SH3RF1: variants seen among roughly 807,000 people sequenced by gnomAD.
SH3RF1 encodes the protein E3 ubiquitin-protein ligase SH3RF1.
A neutral mutation model predicts 74.0 loss-of-function variants in SH3RF1; 32 were observed. The ratio of observed to expected loss-of-function variants is 0.43; its 90% CI spans 0.33 to 0.58. SH3RF1 has a LOEUF of 0.58. SH3RF1 is among the 20% of genes least tolerant of loss of function. SH3RF1 has a pLI of 0.05. For synonymous variants in SH3RF1, 396 were observed against 439.6 expected (o/e 0.90, Z 1.24); for missense variants, 954 against 1,130.9 (o/e 0.84, Z 2.24).
chr4:169,178,741 T>C (rs1401257554), intron 2 of SH3RF1, among the ~76,000 whole-genome samples: 1 of 152,148 alleles, frequency 6.6e-6, no homozygotes. Flanking sequence ...TGCAATAAAT[T>C]TGTGTTTCTT....
intron 2 of SH3RF1, among the ~76,000 whole-genome samples, chr4:169,217,754 T>C (rs1730490574): frequency 6.6e-6 from 1 of 152,172 alleles, no homozygotes; most frequent in South Asian, 2.1e-4. Context: ...AAAAAAACTC[T>C]ATAGATGGAT....
intron 2 of SH3RF1, among the ~76,000 whole-genome samples, chr4:169,192,657 A>C (rs556333792): frequency 3.9e-5 from 6 of 152,190 alleles, no homozygotes; most frequent in Admixed American, 3.3e-4. Flanking sequence ...AAGGAAAAGA[A>C]GTCATTATAT....
At chr4:169,134,475 G>A (rs745938349) in intron 5 of SH3RF1, among the ~76,000 whole-genome samples, 7 of 152,134 alleles carry the variant, frequency 4.6e-5, no homozygotes, top group Non-Finnish European at 1.0e-4. Context: ...TTCCCATTCT[G>A]AGCTGTCACT....
chr4:169,129,911 T>C (rs1733584423), intron 6 of SH3RF1, 135 bp downstream of exon 6: 1 of 702,616 alleles, frequency 1.4e-6, no homozygotes, highest in Admixed American at 3.2e-5. Context: ...TTAACAGAGA[T>C]AATAGATGAA....
chr4:169,265,406 A>G (rs1319754431), intron 2 of SH3RF1, among the ~76,000 whole-genome samples: 4 of 152,260 alleles, frequency 2.6e-5, no homozygotes, highest in Non-Finnish European at 5.9e-5. Context: ...ATCATTAAGT[A>G]ATAATATCTA....
intron 10 of SH3RF1, 28 bp from the exon 11 acceptor site, chr4:169,107,233 T>A (rs375028214): frequency 2.6e-6 from 4 of 1,513,286 alleles, no homozygotes; most frequent in Non-Finnish European, 8.9e-7. Flanking sequence ...TGAGCCTTAG[T>A]TGGAGAATGA....
rs1320886571 is a variant in SH3RF1 at position 169,248,418 on chromosome 4, A to G, written c.393+20402T>C. Among the ~76,000 whole-genome samples, 3 of 152,164 alleles carry G rather than the reference A, an allele frequency of 2.0e-5. No individual in the cohort carries two copies. In the South Asian group the frequency reaches 6.2e-4, roughly 32 times the overall value. On this transcript the variant is annotated intron_variant, in intron 2 of 11. Coordinates refer to ENST00000284637, the MANE Select transcript of SH3RF1 (RefSeq NM_020870.4). ...AACCAAACACTGCATGTTCTCACTC[A>G]TAAGTGGGAGTCGAATAATGAAAAC...
chr4:169,102,336 A>T (rs1268947362), intron 11 of SH3RF1, among the ~76,000 whole-genome samples: 4 of 151,808 alleles, frequency 2.6e-5, no homozygotes, highest in African/African-American at 9.7e-5. Flanking sequence ...ATCTATCTCT[A>T]TCCAATTTGT....
intron 2 of SH3RF1, among the ~76,000 whole-genome samples, chr4:169,225,293 C>T (rs1353261600): frequency 1.3e-5 from 2 of 152,118 alleles, no homozygotes; most frequent in African/African-American, 4.8e-5. Flanking sequence ...GCCAACTTCA[C>T]AGGTAGGAAA....
intron 1 of SH3RF1, 65 bp downstream of exon 1, chr4:169,270,794 T>A (rs11942200): frequency 6.6e-6 from 1 of 152,086 alleles, no homozygotes; most frequent in Non-Finnish European, 1.5e-5. Context: ...ACCACCGCCT[T>A]CTCCGCGGCT....
At chr4:169,115,368 T>C (rs1330382296) in intron 10 of SH3RF1, among the ~76,000 whole-genome samples, 1 of 152,142 alleles carries the variant, frequency 6.6e-6, no homozygotes, top group African/African-American at 2.4e-5. Context: ...CCGCTCCCCA[T>C]CACTTGCATT....
chr4:169,124,043 A>G (rs930569039), intron 6 of SH3RF1, among the ~76,000 whole-genome samples: 2 of 152,186 alleles, frequency 1.3e-5, no homozygotes, highest in Non-Finnish European at 2.9e-5. Flanking sequence ...GTCACAGCAA[A>G]TGTGACCTGG....
rs558772435 is a variant in SH3RF1, at chr4:169,224,696, T to A, written c.393+44124A>T. 3.9e-5 allele frequency among the ~76,000 whole-genome samples: 6 copies of A among 152,290 alleles called. No homozygotes were observed. The East Asian group carries it at 1.2e-3, about 29-fold the overall frequency. On this transcript the variant is annotated intron_variant, in intron 2 of 11. Coordinates refer to ENST00000284637, the MANE Select transcript of SH3RF1 (RefSeq NM_020870.4). ...CAGGGGATAACAGTAGCTGCAGGGG[T>A]AACCAGGAACAAGACTACTGCAGTA...
intron 2 of SH3RF1, among the ~76,000 whole-genome samples, chr4:169,243,586 T>C (rs1730948770): frequency 6.6e-6 from 1 of 152,226 alleles, no homozygotes; most frequent in African/African-American, 2.4e-5. Flanking sequence ...GCTAGGCTAA[T>C]TCCCTCAGTT....
chr4:169,110,893 G>A (rs1332276298), intron 10 of SH3RF1, among the ~76,000 whole-genome samples: 2 of 152,208 alleles, frequency 1.3e-5, no homozygotes, highest in Non-Finnish European at 2.9e-5. Flanking sequence ...CTGAAGTTAT[G>A]CGTAGAAAAT....
intron 2 of SH3RF1, among the ~76,000 whole-genome samples, chr4:169,171,470 G>C (rs1734326845): frequency 6.6e-6 from 1 of 152,168 alleles, no homozygotes; most frequent in Non-Finnish European, 1.5e-5. Flanking sequence ...AAACTCCAAA[G>C]ATAAGTGAAA....
At chr4:169,199,663 G>C (rs1178750881) in intron 2 of SH3RF1, among the ~76,000 whole-genome samples, 2 of 151,934 alleles carry the variant, frequency 1.3e-5, no homozygotes, top group Non-Finnish European at 2.9e-5. Flanking sequence ...ATACATTTTT[G>C]AGAGCAGCTA....
intron 2 of SH3RF1, among the ~76,000 whole-genome samples, chr4:169,169,818 C>G (rs1320199288): frequency 6.6e-6 from 1 of 152,100 alleles, no homozygotes; most frequent in African/African-American, 2.4e-5. Flanking sequence ...GCCTCGACCT[C>G]CTGGGCTCAA....
chr4:169,107,942 A>G (rs1351876533), intron 10 of SH3RF1, among the ~76,000 whole-genome samples: 2 of 151,562 alleles, frequency 1.3e-5, no homozygotes, highest in African/African-American at 4.9e-5. Flanking sequence ...CAAATATACA[A>G]ATAAGCGTGT....
Sources: gnomAD v4.1 joint callset for allele counts (sites outside exome capture counted in the v4.1 genomes callset) on GRCh38, gnomAD v4.1.1 for gene constraint, MANE v1.5 for transcripts, NCBI Gene and HGNC (gene_info 2026-07-23, HGNC 2026-07-21) for gene names.